C12orf54: variants seen among roughly 807,000 people sequenced by gnomAD.
C12orf54 encodes chromosome 12 open reading frame 54.
Under a neutral mutation model 26.4 loss-of-function variants are expected in C12orf54, and 24 were observed. The ratio of observed to expected loss-of-function variants is 0.91; its 90% CI spans 0.66 to 1.28. The LOEUF (loss-of-function observed/expected upper bound fraction) is 1.28, where lower values mean the gene tolerates loss of function less well. Ranked by LOEUF, C12orf54 falls within the 50% of genes most tolerant of loss-of-function variation. C12orf54 has a pLI of 0.00. For missense variants in C12orf54, 154 were observed against 150.9 expected (o/e 1.02, Z -0.11); for synonymous variants, 54 against 47.0 (o/e 1.15, Z -0.61).
At chr12:48,414,706 T>C in the C12orf54 span, among the ~76,000 whole-genome samples, 1 of 152,160 alleles carries the variant, frequency 6.6e-6, no homozygotes, top group Non-Finnish European at 1.5e-5. Flanking sequence ...TCTATACTCA[T>C]GGGGAAGGTA....
chr12:48,443,954 C>T, the C12orf54 span, among the ~76,000 whole-genome samples: 88 of 152,320 alleles, frequency 5.8e-4, no homozygotes, highest in Middle Eastern at 6.8e-3. Flanking sequence ...TCTTTGGAAT[C>T]GAGTCCATAC....
the C12orf54 span, among the ~76,000 whole-genome samples, chr12:48,418,313 G>T: frequency 1.3e-5 from 2 of 152,196 alleles, no homozygotes; most frequent in South Asian, 4.1e-4. Flanking sequence ...GGCAAGGTAA[G>T]TCATCAATAA....
chr12:48,478,966 C>T (rs1170289485), upstream of C12orf54, among the ~76,000 whole-genome samples: 2 of 152,180 alleles, frequency 1.3e-5, no homozygotes, highest in African/African-American at 2.4e-5. Flanking sequence ...GGTGATTCCT[C>T]AGGGATCTAG....
At chr12:48,448,461 G>T in the C12orf54 span, among the ~76,000 whole-genome samples, 1 of 152,038 alleles carries the variant, frequency 6.6e-6, no homozygotes, top group Admixed American at 6.6e-5. Context: ...TCATTTAATT[G>T]TTATAAAGTG....
the C12orf54 span, among the ~76,000 whole-genome samples, chr12:48,436,955 A>G: frequency 2.0e-5 from 3 of 152,318 alleles, no homozygotes; most frequent in African/African-American, 7.2e-5. Context: ...CAAAAAATCA[A>G]TGCATCCAGG....
the C12orf54 span, among the ~76,000 whole-genome samples, chr12:48,449,358 C>A: frequency 6.6e-6 from 1 of 152,106 alleles, no homozygotes; most frequent in Non-Finnish European, 1.5e-5. Context: ...TGCAAAGAAA[C>A]ATGTTTTGAG....
At chr12:48,421,379 T>G in the C12orf54 span, among the ~76,000 whole-genome samples, 1 of 152,064 alleles carries the variant, frequency 6.6e-6, no homozygotes, top group East Asian at 1.9e-4. Flanking sequence ...AAGAGGGTGG[T>G]GTTAAACCAT....
chr12:48,488,492 A>G (rs1006580221), intron 4 of C12orf54: 82 of 383,622 alleles, frequency 2.1e-4, no homozygotes, highest in African/African-American at 1.4e-3. Context: ...AAAAAAAAAA[A>G]AAAGAAAGAA....
At chr12:48,453,813 A>G in the C12orf54 span, among the ~76,000 whole-genome samples, 1 of 151,608 alleles carries the variant, frequency 6.6e-6, no homozygotes, top group Non-Finnish European at 1.5e-5. Flanking sequence ...ATATTCATCT[A>G]TCTACCTACC....
At chr12:48,429,922 G>A in the C12orf54 span, among the ~76,000 whole-genome samples, 1 of 151,950 alleles carries the variant, frequency 6.6e-6, no homozygotes, top group African/African-American at 2.4e-5. Flanking sequence ...CTATACTATA[G>A]GACCGTAGTC....
chr12:48,447,559 A>T, the C12orf54 span, among the ~76,000 whole-genome samples: 2 of 152,182 alleles, frequency 1.3e-5, no homozygotes, highest in Non-Finnish European at 2.9e-5. Context: ...GTAGGAAATT[A>T]TAGAACTGAA....
At chr12:48,426,934 C>T in the C12orf54 span, among the ~76,000 whole-genome samples, 2 of 151,922 alleles carry the variant, frequency 1.3e-5, no homozygotes, top group Non-Finnish European at 2.9e-5. Context: ...GATTTTGTGT[C>T]CTAAAGCTTC....
the C12orf54 span, among the ~76,000 whole-genome samples, chr12:48,426,867 A>G: frequency 3.3e-5 from 5 of 151,878 alleles, no homozygotes; most frequent in Admixed American, 2.0e-4. Context: ...TATGGCTGAT[A>G]TGGCTCTCAG....
chr12:48,493,376 G>C (rs2731107), intron 7 of C12orf54, among the ~76,000 whole-genome samples: 73,860 of 151,934 alleles, frequency 0.49, 18,567 homozygotes, highest in East Asian at 0.82. Flanking sequence ...TGGTTCACGC[G>C]TATAATCCCA....
chr12:48,469,445 G>C, the C12orf54 span, among the ~76,000 whole-genome samples: 2 of 152,122 alleles, frequency 1.3e-5, no homozygotes. Flanking sequence ...CAGACTTTAT[G>C]GTTATCTCCC....
At chr12:48,435,376 G>A in the C12orf54 span, among the ~76,000 whole-genome samples, 1 of 152,178 alleles carries the variant, frequency 6.6e-6, no homozygotes, top group Non-Finnish European at 1.5e-5. Context: ...ATCTAGCAAG[G>A]CAGGCCAACA....
the C12orf54 span, among the ~76,000 whole-genome samples, chr12:48,417,582 A>G: frequency 6.6e-6 from 1 of 152,174 alleles, no homozygotes; most frequent in Non-Finnish European, 1.5e-5. Flanking sequence ...TTTTTTTTAT[A>G]ATTTCAGCTT....
chr12:48,463,607 A>G, the C12orf54 span, among the ~76,000 whole-genome samples: 1 of 151,730 alleles, frequency 6.6e-6, no homozygotes, highest in African/African-American at 2.4e-5. Context: ...TGGAGGACAC[A>G]GTATAAAAAA....
Position 48,486,175 on chromosome 12 carries a change from C to T in C12orf54, c.66-3C>T, listed in dbSNP as rs1319570544. On this transcript the variant is annotated splice_polypyrimidine_tract_variant and splice_region_variant and intron_variant, in intron 2 of 8. Transcript: ENST00000548364. ...TCAGGTTTATATCATTCTTTCTTTG[C>T]AGCACATCCATAGAAGAGACAATGA... 4 of 1,609,924 alleles carry T rather than the reference C, an allele frequency of 2.5e-6. No individual in the cohort carries two copies. In the African/African-American group the frequency reaches 5.3e-5, roughly 22 times the overall value.
Sources: gnomAD v4.1 joint callset for allele counts (sites outside exome capture counted in the v4.1 genomes callset) on GRCh38, gnomAD v4.1.1 for gene constraint, MANE v1.5 for transcripts, NCBI Gene and HGNC (gene_info 2026-07-23, HGNC 2026-07-21) for gene names.